Variants in TRAPPC12 observed in about 807,000 individuals in gnomAD.
TRAPPC12 encodes the protein TPR repeat protein 15.
A neutral mutation model predicts 69.2 loss-of-function variants in TRAPPC12; 61 were observed. That is an observed-to-expected ratio of 0.88 (90% CI 0.72 to 1.09). The LOEUF (loss-of-function observed/expected upper bound fraction) is 1.09, where lower values mean the gene tolerates loss of function less well. Ranked by LOEUF, TRAPPC12 falls within the 50% of genes least tolerant of loss-of-function variation. The pLI, the probability that TRAPPC12 is intolerant of heterozygous loss-of-function variation, is 0.00. For synonymous variants in TRAPPC12, 469 were observed against 438.9 expected, an observed-to-expected ratio of 1.07 and a Z score of -0.86; for missense variants, 1,101 against 1,016.4, an observed-to-expected ratio of 1.08 and a Z score of -1.13.
chr2:3,441,632 T>C (rs1012759051), intron 5 of TRAPPC12, among the ~76,000 whole-genome samples: 2 of 147,666 alleles, frequency 1.4e-5, no homozygotes, highest in Non-Finnish European at 3.0e-5. Flanking sequence ...ATTTTTATTA[T>C]TTTCTTATTA....
At chr2:3,450,323 T>G (rs1486437957) in intron 6 of TRAPPC12, among the ~76,000 whole-genome samples, 1 of 152,244 alleles carries the variant, frequency 6.6e-6, no homozygotes, top group Non-Finnish European at 1.5e-5. Flanking sequence ...GTATGTGTTC[T>G]GTCAATCTGT....
Position 3,388,201 on chromosome 2 carries a change from C to T in TRAPPC12, c.578C>T (p.Ala193Val). ...TTCGGTGGCGCCAGCGAGGCCTCGG[C>T]CAGGACACCGCCCCAGGTCGTGCAG... ...PSFGGASEAS[A>V]RTPPQVVQPS... The change falls in exon 2 of 12, where the codon GCC becomes GTC. Residue 193 changes from alanine to valine, a missense_variant. Physicochemically the swap from Ala to Val is moderately conservative, Grantham distance 64 (BLOSUM62 0). Transcript: ENST00000324266. 1.9e-6 allele frequency: 3 copies of T among 1,609,372 alleles called. No homozygotes were observed. The highest frequency in any genetic ancestry group is 1.3e-5 in the African/African-American group (1 of 74,456).
intron 3 of TRAPPC12, among the ~76,000 whole-genome samples, chr2:3,420,563 G>C (rs545432092): frequency 2.0e-5 from 3 of 152,320 alleles, no homozygotes; most frequent in African/African-American, 7.2e-5. Context: ...GTGTGAGTGT[G>C]AGGCCACATG....
chr2:3,380,513 G>A (rs1014357546), intron 1 of TRAPPC12, among the ~76,000 whole-genome samples: 2 of 152,156 alleles, frequency 1.3e-5, no homozygotes, highest in African/African-American at 4.8e-5. Flanking sequence ...AAACAGTGTA[G>A]CCCCAAGGAA....
intron 5 of TRAPPC12, among the ~76,000 whole-genome samples, chr2:3,433,586 C>T (rs1045701619): frequency 3.3e-5 from 5 of 152,224 alleles, no homozygotes; most frequent in African/African-American, 1.2e-4. Flanking sequence ...TGAAGGGAAG[C>T]TGAAATGTCA....
chr2:3,388,538 G>A lies in TRAPPC12; in HGVS notation c.915G>A (p.Arg305=), dbSNP rs915435088. 2 of 1,613,026 alleles carry A rather than the reference G, an allele frequency of 1.2e-6. No individual in the cohort carries two copies. Among genetic ancestry groups the A allele is most frequent in the Non-Finnish European group, 1.7e-6 (2 of 1,179,756 alleles). ...CCCTGAGCATGAGCGAGATGGACCG[G>A]AGGAACGACGCCTGGCTTCCCGGCG... ...ATALSMSEMD[R]RNDAWLPGEA... is the part of the protein sequence containing the mutation. Residue 305 remains arginine (R), a synonymous_variant, in exon 2 of 12, where the codon CGG becomes CGA. Coordinates refer to ENST00000324266, the MANE Select transcript of TRAPPC12 (RefSeq NM_016030.6).
chr2:3,454,108 T>G (rs1225361043), intron 6 of TRAPPC12, among the ~76,000 whole-genome samples: 1 of 152,232 alleles, frequency 6.6e-6, no homozygotes, highest in African/African-American at 2.4e-5. Flanking sequence ...AGCTGTCCCC[T>G]TCTCGGGCTG....
intron 6 of TRAPPC12, chr2:3,456,496 G>A (rs1042058346): frequency 3.3e-5 from 5 of 152,298 alleles, no homozygotes; most frequent in African/African-American, 7.2e-5. Context: ...TATTTGGTAC[G>A]TTAAAAAGGC....
intron 3 of TRAPPC12, among the ~76,000 whole-genome samples, chr2:3,412,915 C>T (rs79129328): frequency 2.6e-5 from 4 of 152,026 alleles, no homozygotes; most frequent in South Asian, 4.2e-4. Context: ...CCAACTTAGC[C>T]GTGAGTGGAC....
intron 5 of TRAPPC12, among the ~76,000 whole-genome samples, chr2:3,438,911 T>C (rs992403744): frequency 3.9e-5 from 6 of 152,202 alleles, no homozygotes; most frequent in Non-Finnish European, 5.9e-5. Flanking sequence ...CAGGGTTTTG[T>C]GTAGATACAA....
Position 3,388,425 on chromosome 2 carries a change from C to T in TRAPPC12, c.802C>T (p.Pro268Ser), listed in dbSNP as rs746192388. ...CCCCGAACCCGTGGCCATGCGAGGG[C>T]CCCAGGCAGCTGCGCCCCCGGCGTC... ...GRPEPVAMRG[P>S]QAAAPPASPE... The change falls in exon 2 of 12, where the codon CCC (proline) becomes TCC (serine). Residue 268 changes from proline to serine, a missense_variant. Pro to Ser is a moderately conservative substitution (Grantham distance 74). Transcript: ENST00000324266. 3.1e-6 allele frequency: 5 copies of T among 1,606,172 alleles called. No individual in the cohort carries two copies. Among genetic ancestry groups the T allele is most frequent in the South Asian group, 2.2e-5 (2 of 90,136 alleles).
At chr2:3,448,877 CCT>C (rs1325671692) in intron 6 of TRAPPC12, among the ~76,000 whole-genome samples, 1 of 152,196 alleles carries the variant, frequency 6.6e-6, no homozygotes, top group Non-Finnish European at 1.5e-5. Context: ...GCCGACTTCC[CCT>C]GTGTTGAAGA....
At chr2:3,436,496 TAAC>T (rs2103083264) in intron 5 of TRAPPC12, among the ~76,000 whole-genome samples, 1 of 152,146 alleles carries the variant, frequency 6.6e-6, no homozygotes, top group African/African-American at 2.4e-5. Flanking sequence ...CAGTTTTTAA[TAAC>T]ATCTTGCATT....
chr2:3,433,215 T>C (rs1273737194), intron 5 of TRAPPC12, among the ~76,000 whole-genome samples: 1 of 152,042 alleles, frequency 6.6e-6, no homozygotes, highest in African/African-American at 2.4e-5. Context: ...GAGGTCAGGA[T>C]AGGGAAGGAC....
At chr2:3,403,526 C>T (rs538950632) in intron 3 of TRAPPC12, among the ~76,000 whole-genome samples, 91 of 152,282 alleles carry the variant, frequency 6.0e-4, no homozygotes, top group Middle Eastern at 6.8e-3. Context: ...CCACCGCACC[C>T]GACCAGATTT....
chr2:3,386,243 A>G (rs2103423865), intron 1 of TRAPPC12, among the ~76,000 whole-genome samples: 1 of 152,312 alleles, frequency 6.6e-6, no homozygotes, highest in South Asian at 2.1e-4. Context: ...GTGTTGTTTT[A>G]TTCTGAAAAA....
intron 1 of TRAPPC12, among the ~76,000 whole-genome samples, chr2:3,380,840 C>G (rs1362370823): frequency 6.6e-6 from 1 of 152,170 alleles, no homozygotes; most frequent in Non-Finnish European, 1.5e-5. Flanking sequence ...TTAAAAGATG[C>G]CTATGCAGGG....
chr2:3,457,038 G>C (rs117546354), intron 6 of TRAPPC12: 1 of 458,654 alleles, frequency 2.2e-6, no homozygotes, highest in Non-Finnish European at 4.4e-6. Context: ...TAGGGACTTG[G>C]TGATGTTTAC....
intron 6 of TRAPPC12, among the ~76,000 whole-genome samples, chr2:3,448,869 C>T (rs954834220): frequency 6.6e-6 from 1 of 152,174 alleles, no homozygotes; most frequent in Admixed American, 6.5e-5. Context: ...CTTAGGGGGC[C>T]GACTTCCCCT....
Sources: allele counts gnomAD v4.1 joint callset (sites outside exome capture counted in the v4.1 genomes callset), GRCh38; gene constraint gnomAD v4.1.1; transcripts MANE v1.5; gene names NCBI Gene and HGNC (gene_info 2026-07-23, HGNC 2026-07-21).